Variants in TMTC1 observed in about 807,000 individuals in gnomAD.
The protein encoded by TMTC1 is transmembrane O-mannosyltransferase targeting cadherins 1, also known as protein O-mannosyl-transferase TMTC1.
Under a neutral mutation model 104.8 loss-of-function variants are expected in TMTC1, and 73 were observed. The ratio of observed to expected loss-of-function variants is 0.70; its 90% CI spans 0.58 to 0.85. TMTC1 has a LOEUF of 0.85. TMTC1 is among the 40% of genes least tolerant of loss of function. TMTC1 has a pLI of 0.00. For synonymous variants in TMTC1, 434 were observed against 428.7 expected (o/e 1.01, Z -0.15); for missense variants, 1,035 against 1,096.1 (o/e 0.94, Z 0.79).
intron 10 of TMTC1, among the ~76,000 whole-genome samples, chr12:29,555,988 T>A (rs551711511): frequency 6.6e-6 from 1 of 152,256 alleles, no homozygotes; most frequent in Non-Finnish European, 1.5e-5. Flanking sequence ...CAGATAAACA[T>A]ATTATTACGC....
intron 5 of TMTC1, among the ~76,000 whole-genome samples, chr12:29,728,823 C>T (rs989598784): frequency 6.0e-5 from 9 of 149,530 alleles, no homozygotes; most frequent in African/African-American, 1.3e-4. Context: ...ATAATGAAAC[C>T]GCCGTCCTAC....
At chr12:29,766,907 A>G (rs1943476978) in intron 2 of TMTC1, among the ~76,000 whole-genome samples, 1 of 152,090 alleles carries the variant, frequency 6.6e-6, no homozygotes, top group Non-Finnish European at 1.5e-5. Context: ...CATCTGATTC[A>G]TGGAATGATT....
intron 5 of TMTC1, among the ~76,000 whole-genome samples, chr12:29,677,601 A>T (rs1940774891): frequency 6.6e-6 from 1 of 152,254 alleles, no homozygotes; most frequent in South Asian, 2.1e-4. Context: ...TTCCAGAAAG[A>T]AAAAATTCAT....
rs186840406 is a variant in TMTC1 at position 29,764,066 on chromosome 12, C to T, written c.480+3832G>A. Among the ~76,000 whole-genome samples, 140 of 152,252 alleles carry T rather than the reference C, an allele frequency of 9.2e-4. No homozygotes were observed. In the East Asian group the frequency reaches 0.017, roughly 19 times the overall value. ...TTAGTGAAAAATATATGCAAATGGC[C>T]AGCATGTATTTTAGCCTCAAACTAC... On this transcript the variant is annotated intron_variant, in intron 2 of 17. Transcript: ENST00000539277.
At chr12:29,721,839 A>C (rs909335375) in intron 5 of TMTC1, among the ~76,000 whole-genome samples, 1 of 151,980 alleles carries the variant, frequency 6.6e-6, no homozygotes, top group Non-Finnish European at 1.5e-5. Flanking sequence ...ATTTAAGGAA[A>C]TATTTCTTTA....
chr12:29,629,330 A>G lies in TMTC1; in HGVS notation c.1128+3817T>C, dbSNP rs1938176071. On this transcript the variant is annotated intron_variant, in intron 6 of 17. Coordinates refer to ENST00000539277, the MANE Select transcript of TMTC1 (RefSeq NM_001193451.2). ...GAGAGACTCCGTCTCAAAAAAAGAA[A>G]AAAAAAAAGCTACCTATGACCTGGA... Among the ~76,000 whole-genome samples, 3 of 152,084 alleles carry G rather than the reference A, an allele frequency of 2.0e-5. No homozygotes were observed. The South Asian group carries it at 6.3e-4, about 32-fold the overall frequency.
intron 5 of TMTC1, among the ~76,000 whole-genome samples, chr12:29,662,664 C>A (rs933151233): frequency 1.1e-5 from 1 of 89,970 alleles, no homozygotes; most frequent in African/African-American, 4.7e-5. Flanking sequence ...GAGACTCCGT[C>A]TCAAAAAAAA....
chr12:29,584,172 G>C (rs1946061519), intron 7 of TMTC1, among the ~76,000 whole-genome samples: 1 of 152,130 alleles, frequency 6.6e-6, no homozygotes, highest in Non-Finnish European at 1.5e-5. Flanking sequence ...AAGATGCATT[G>C]ATATGCCTAG....
chr12:29,737,230 CAG>C (rs543500297), intron 5 of TMTC1, among the ~76,000 whole-genome samples: 33 of 152,188 alleles, frequency 2.2e-4, no homozygotes, highest in African/African-American at 7.7e-4. Context: ...ACATGCAAAA[CAG>C]GGGTGGCCGG....
intron 5 of TMTC1, among the ~76,000 whole-genome samples, chr12:29,689,036 A>G (rs1260025612): frequency 6.6e-6 from 1 of 152,054 alleles, no homozygotes. Context: ...AACCCTATTT[A>G]CTTCAATCCT....
At chr12:29,568,209 G>T (rs777228746) in intron 9 of TMTC1, among the ~76,000 whole-genome samples, 1 of 152,132 alleles carries the variant, frequency 6.6e-6, no homozygotes, top group Non-Finnish European at 1.5e-5. Flanking sequence ...GATTTCTTTT[G>T]TATAGGAGCA....
chr12:29,525,292 C>T (rs1944309058), intron 11 of TMTC1, among the ~76,000 whole-genome samples: 1 of 148,132 alleles, frequency 6.8e-6, no homozygotes, highest in African/African-American at 2.5e-5. Context: ...AGGCGATTCT[C>T]CTGCCTCAGC....
At chr12:29,516,257 AG>A in intron 15 of TMTC1, 91 bp downstream of exon 15, 1 of 1,458,408 alleles carries the variant, frequency 6.9e-7, no homozygotes, top group Non-Finnish European at 9.2e-7. Flanking sequence ...AAGATTTCCC[AG>A]GCTTATAAAC....
intron 1 of TMTC1, among the ~76,000 whole-genome samples, chr12:29,770,440 C>T (rs185661461): frequency 2.3e-3 from 351 of 152,198 alleles, no homozygotes; most frequent in South Asian, 0.019. Flanking sequence ...AGACTTCTGA[C>T]GGTTGGCTTA....
intron 5 of TMTC1, among the ~76,000 whole-genome samples, chr12:29,703,100 C>T (rs971798610): frequency 6.6e-6 from 1 of 150,686 alleles, no homozygotes; most frequent in Non-Finnish European, 1.5e-5. Context: ...GCCAAGATTG[C>T]TCCATTGCAG....
intron 9 of TMTC1, among the ~76,000 whole-genome samples, chr12:29,564,887 G>C (rs1036980288): frequency 6.6e-6 from 1 of 152,148 alleles, no homozygotes; most frequent in African/African-American, 2.4e-5. Flanking sequence ...GATTTAAACA[G>C]AGGATTATAA....
rs1262442650 is a variant in TMTC1 at position 29,518,530 on chromosome 12, A to G, written c.1966T>C (p.Leu656=). The G allele has an allele frequency of 6.2e-7, 1 of 1,613,998 alleles. No individual in the cohort carries two copies. The highest frequency in any genetic ancestry group is 8.5e-7 in the Non-Finnish European group (1 of 1,179,998). ...SPSHHVAMVN[L]GRLYRSLGEN... Reference sequence around the variant, plus strand: ...CCCAGTGACCTGTAGAGTCTTCCCAAGTTCACCATGGCCACGTGATGACTG... The same window carrying G: ...CCCAGTGACCTGTAGAGTCTTCCCAGGTTCACCATGGCCACGTGATGACTG... The change falls in exon 13 of 18, where the codon TTG becomes CTG. Residue 656 remains leucine (L), a synonymous_variant. Transcript: ENST00000539277.
At chr12:29,614,728 C>T (rs1470229520) in intron 6 of TMTC1, among the ~76,000 whole-genome samples, 1 of 152,172 alleles carries the variant, frequency 6.6e-6, no homozygotes, top group Non-Finnish European at 1.5e-5. Context: ...CTATATGAGG[C>T]TTGACATACA....
chr12:29,507,047 T>C lies in TMTC1; in HGVS notation c.2509-61A>G, dbSNP rs553194732. Reference sequence around the variant, plus strand: ...TCCATCACAAAACTCTCTCAGAGAATGAAGAGACTAAGAAACTGACCCTCT... The same window carrying C: ...TCCATCACAAAACTCTCTCAGAGAACGAAGAGACTAAGAAACTGACCCTCT... On this transcript the variant is annotated intron_variant, in intron 17 of 17. Transcript: ENST00000539277. The C allele has an allele frequency of 8.1e-4, 1,167 of 1,443,362 alleles. 19 individuals carry two copies. The South Asian group carries it at 0.011, about 14-fold the overall frequency. 89.4% of individuals were successfully genotyped at this position (1,443,362 alleles called of 1,614,324 possible).
Sources: allele counts gnomAD v4.1 joint callset (sites outside exome capture counted in the v4.1 genomes callset), GRCh38; gene constraint gnomAD v4.1.1; transcripts MANE v1.5; gene names NCBI Gene and HGNC (gene_info 2026-07-23, HGNC 2026-07-21).